Variants in SLC71A1 observed in about 807,000 individuals in gnomAD.
SLC71A1 encodes the protein hippocampus abundant gene transcript 1.
the SLC71A1 span, among the ~76,000 whole-genome samples, chr1:100,053,331 G>T: frequency 0.043 from 6,598 of 152,208 alleles, 168 homozygotes; most frequent in African/African-American, 0.058. Flanking sequence ...CTGGGTAAAA[G>T]AAGGCTCTCC....
the SLC71A1 span, chr1:100,058,847 A>G: frequency 5.7e-6 from 3 of 526,980 alleles, no homozygotes; most frequent in Admixed American, 3.3e-5. Flanking sequence ...TTACTGATTA[A>G]TAACTTAATT....
chr1:100,069,296 A>T, the SLC71A1 span, among the ~76,000 whole-genome samples: 1 of 152,242 alleles, frequency 6.6e-6, no homozygotes, highest in African/African-American at 2.4e-5. Flanking sequence ...CACTAGTCTC[A>T]CTAGACGGAG....
the SLC71A1 span, chr1:100,079,274 T>C: frequency 6.7e-6 from 1 of 148,688 alleles, no homozygotes; most frequent in Non-Finnish European, 1.5e-5. Context: ...AAGACTCCCA[T>C]CTCTAATAAA....
the SLC71A1 span, among the ~76,000 whole-genome samples, chr1:100,047,514 C>T: frequency 1.3e-5 from 2 of 152,228 alleles, no homozygotes; most frequent in Non-Finnish European, 2.9e-5. Context: ...CTTCCGCCTC[C>T]CGCGTTCAAG....
chr1:100,082,316 T>A, the SLC71A1 span: 1 of 854,828 alleles, frequency 1.2e-6, no homozygotes, highest in Non-Finnish European at 1.8e-6. Context: ...AAGATTGTCT[T>A]AAGAAATGTA....
At chr1:100,038,536 T>G in the SLC71A1 span, among the ~76,000 whole-genome samples, 1 of 152,052 alleles carries the variant, frequency 6.6e-6, no homozygotes, top group Non-Finnish European at 1.5e-5. Flanking sequence ...CCTCTTTCTT[T>G]CCCGCACCTG....
the SLC71A1 span, among the ~76,000 whole-genome samples, chr1:100,045,532 T>A: frequency 3.3e-5 from 5 of 152,186 alleles, no homozygotes; most frequent in African/African-American, 1.2e-4. Flanking sequence ...CTAAATTTTT[T>A]AATTACTATG....
chr1:100,078,342 T>G, the SLC71A1 span: 2 of 701,192 alleles, frequency 2.9e-6, no homozygotes, highest in Admixed American at 2.6e-5. Context: ...AGTTCAGTTC[T>G]CCTTTTCTCT....
At chr1:100,079,685 A>C in the SLC71A1 span, 2 of 152,268 alleles carry the variant, frequency 1.3e-5, no homozygotes, top group African/African-American at 4.8e-5. Flanking sequence ...GTTCGAGATC[A>C]GCCTGGCCAA....
the SLC71A1 span, among the ~76,000 whole-genome samples, chr1:100,074,801 G>A: frequency 4.7e-4 from 71 of 152,254 alleles, 1 homozygote; most frequent in South Asian, 0.014. Flanking sequence ...CTTGAACCCC[G>A]GAGGCAGAGG....
chr1:100,043,955 A>G, the SLC71A1 span, among the ~76,000 whole-genome samples: 3 of 152,184 alleles, frequency 2.0e-5, no homozygotes, highest in Non-Finnish European at 2.9e-5. Flanking sequence ...CTTGTTGGTC[A>G]TTGGGCACTT....
the SLC71A1 span, chr1:100,083,287 G>C: frequency 9.2e-5 from 14 of 152,220 alleles, no homozygotes; most frequent in Non-Finnish European, 1.9e-4. Context: ...TTTAAACTTG[G>C]AACACTCACT....
the SLC71A1 span, among the ~76,000 whole-genome samples, chr1:100,039,016 C>G: frequency 6.6e-6 from 1 of 152,158 alleles, no homozygotes; most frequent in East Asian, 1.9e-4. Context: ...CAGTCATGGC[C>G]TAAGGATCGG....
the SLC71A1 span, among the ~76,000 whole-genome samples, chr1:100,050,183 G>C: frequency 6.6e-6 from 1 of 151,798 alleles, no homozygotes; most frequent in Non-Finnish European, 1.5e-5. Flanking sequence ...CCTTTTTTTG[G>C]GAGGGGGGTG....
At chr1:100,054,188 C>T in the SLC71A1 span, among the ~76,000 whole-genome samples, 1 of 151,640 alleles carries the variant, frequency 6.6e-6, no homozygotes, top group African/African-American at 2.4e-5. Flanking sequence ...ATTACAGGTG[C>T]ATGTCACCAC....
the SLC71A1 span, among the ~76,000 whole-genome samples, chr1:100,062,901 C>A: frequency 2.2e-5 from 3 of 137,016 alleles, no homozygotes; most frequent in African/African-American, 8.2e-5. Context: ...CATGGTGAAA[C>A]CTTGTCTCTA....
the SLC71A1 span, among the ~76,000 whole-genome samples, chr1:100,053,678 G>A: frequency 6.6e-6 from 1 of 152,078 alleles, no homozygotes; most frequent in Non-Finnish European, 1.5e-5. Context: ...TAAAACTAAT[G>A]TGACATTTTA....
chr1:100,055,599 G>T, the SLC71A1 span, among the ~76,000 whole-genome samples: 44 of 151,574 alleles, frequency 2.9e-4, no homozygotes, highest in African/African-American at 9.2e-4. Context: ...ATTTTTGTGG[G>T]TACATAGGTG....
chr1:100,068,914 C>T, the SLC71A1 span, among the ~76,000 whole-genome samples: 6 of 151,998 alleles, frequency 3.9e-5, no homozygotes, highest in Non-Finnish European at 7.4e-5. Flanking sequence ...ACCCAGGAGG[C>T]GGAGGCTGCA....
Sources: gnomAD v4.1 joint callset for allele counts (sites outside exome capture counted in the v4.1 genomes callset) on GRCh38, gnomAD v4.1.1 for gene constraint, MANE v1.5 for transcripts, NCBI Gene and HGNC (gene_info 2026-07-23, HGNC 2026-07-21) for gene names.